The following SUSD6 variants were observed in gnomAD, a reference collection of about 807,000 sequenced individuals.
SUSD6 encodes the protein sushi domain containing 6.
In SUSD6, 16 loss-of-function variants were observed where a neutral mutation model predicts 28.4. The ratio of observed to expected loss-of-function variants is 0.56; its 90% confidence interval spans 0.38 to 0.86. The LOEUF (loss-of-function observed/expected upper bound fraction) is 0.86, where lower values mean the gene tolerates loss of function less well. SUSD6 is among the 40% of genes least tolerant of loss of function. The pLI, the probability that SUSD6 is intolerant of heterozygous loss-of-function variation, is 0.00. For missense variants in SUSD6, 341 were observed against 384.2 expected (o/e 0.89, Z 0.94); for synonymous variants, 147 against 159.6 (o/e 0.92, Z 0.59).
chr14:69,706,541 C>A (rs6573902), intron 4 of SUSD6, among the ~76,000 whole-genome samples: 107,662 of 151,998 alleles, frequency 0.71, 40,088 homozygotes, highest in South Asian at 0.83. Context: ...CCTACTGCAG[C>A]CATGACTTCC....
Position 69,703,314 on chromosome 14 carries a change from G to A in SUSD6, c.122-81G>A, listed in dbSNP as rs537892947. 13 of 1,070,004 alleles carry A rather than the reference G, an allele frequency of 1.2e-5. No homozygotes were observed. The South Asian group carries it at 1.4e-4, about 12-fold the overall frequency. The allele number at this position is 1,070,004 out of a possible 1,614,324, so 66.3% of individuals were successfully genotyped here. ...TCCTCCTCCTGTGTTTCCTGTAGAG[G>A]CCTTCAGAGCTGCGTCACTGAGAGC... is the stretch of plus-strand genomic sequence containing the variant. On this transcript the variant is annotated intron_variant, in intron 2 of 5. Coordinates refer to ENST00000342745, the MANE Select transcript of SUSD6 (RefSeq NM_014734.4).
chr14:69,699,444 T>A (rs1886280670), intron 2 of SUSD6, among the ~76,000 whole-genome samples: 1 of 152,016 alleles, frequency 6.6e-6, no homozygotes, highest in Admixed American at 6.6e-5. Context: ...CCTCAAGTGA[T>A]CCGCCCACCT....
intron 1 of SUSD6, among the ~76,000 whole-genome samples, chr14:69,633,394 G>A (rs1885221849): frequency 6.6e-6 from 1 of 152,120 alleles, no homozygotes; most frequent in African/African-American, 2.4e-5. Flanking sequence ...CCTGATCCTT[G>A]GCCTCTCTTC....
chr14:69,639,572 G>C (rs1167537873), intron 1 of SUSD6, among the ~76,000 whole-genome samples: 1 of 152,092 alleles, frequency 6.6e-6, no homozygotes, highest in Non-Finnish European at 1.5e-5. Context: ...AGTTGGTCTG[G>C]GGACATGCTG....
intron 1 of SUSD6, among the ~76,000 whole-genome samples, chr14:69,654,431 G>A (rs1885548332): frequency 6.6e-6 from 1 of 152,182 alleles, no homozygotes; most frequent in Admixed American, 6.5e-5. Flanking sequence ...GGGTAAGAAG[G>A]GGTCATTTCT....
At chr14:69,642,681 G>A (rs370262144) in intron 1 of SUSD6, among the ~76,000 whole-genome samples, 19 of 141,480 alleles carry the variant, frequency 1.3e-4, no homozygotes, top group African/African-American at 4.3e-4. Context: ...CCCACAACAC[G>A]AGAGAATTCT....
In SUSD6 at chr14:69,709,040, T is replaced by C. The variant is rs758777227; in HGVS notation, c.822T>C (p.Thr274=). Reference sequence around the variant, plus strand: ...ACCGCCAACTGGCACACAAAGAAACTGCAGATTCAGAGAACAGTGACATAC... The same window carrying C: ...ACCGCCAACTGGCACACAAAGAAACCGCAGATTCAGAGAACAGTGACATAC... ...SGNRQLAHKE[T]ADSENSDIQS... is the part of the protein sequence containing the mutation. The change falls in exon 5 of 6, where the codon ACT becomes ACC. Residue 274 remains threonine (T), a synonymous_variant. Transcript: ENST00000342745. The C allele has an allele frequency of 1.2e-6, 2 of 1,613,836 alleles. No individual in the cohort carries two copies.
At chr14:69,639,313 CAAAAAAAAAAA>C (rs57837741) in intron 1 of SUSD6, among the ~76,000 whole-genome samples, 3 of 54,604 alleles carry the variant, frequency 5.5e-5, no homozygotes, top group African/African-American at 2.5e-4. Context: ...GACTCCGTCT[CAAAAAAAAAAA>C]AAAAAAAAAA....
chr14:69,677,625 G>C (rs1885932641), intron 2 of SUSD6, among the ~76,000 whole-genome samples: 1 of 151,754 alleles, frequency 6.6e-6, no homozygotes, highest in African/African-American at 2.4e-5. Flanking sequence ...TTGCAGAGGG[G>C]AGTGGGTGGG....
chr14:69,621,294 G>A (rs1885036995), intron 1 of SUSD6, among the ~76,000 whole-genome samples: 1 of 152,174 alleles, frequency 6.6e-6, no homozygotes, highest in African/African-American at 2.4e-5. Flanking sequence ...TGGTATTATT[G>A]ATGAAATTCT....
chr14:69,617,984 A>G (rs1884983731), intron 1 of SUSD6, among the ~76,000 whole-genome samples: 1 of 152,222 alleles, frequency 6.6e-6, no homozygotes, highest in African/African-American at 2.4e-5. Context: ...AGATCATGCC[A>G]GACACAAAAA....
rs1886522824 is a variant in SUSD6 at position 69,714,783 on chromosome 14, G to A, written c.*3804G>A. 1 of 152,214 alleles carries A rather than the reference G, an allele frequency of 6.6e-6. No individual in the cohort carries two copies. Among genetic ancestry groups the A allele is most frequent in the Non-Finnish European group, 1.5e-5 (1 of 68,068 alleles). 9.4% of individuals were successfully genotyped at this position (152,214 alleles called of 1,614,324 possible). A position where few individuals can be genotyped will look rare whatever the true frequency, so the allele number is the denominator to read the frequency against. On this transcript the variant is annotated 3_prime_UTR_variant, in exon 6 of 6. Coordinates refer to ENST00000342745, the MANE Select transcript of SUSD6 (RefSeq NM_014734.4). ...GCCAAGCAGCAGAGCTAGTAGAAGGGGATGCAGGGGCAAAGCACTCAGTTG... is the reference window on the plus strand; with the variant it reads ...GCCAAGCAGCAGAGCTAGTAGAAGGAGATGCAGGGGCAAAGCACTCAGTTG...
chr14:69,650,805 G>A (rs1885493276), intron 1 of SUSD6, among the ~76,000 whole-genome samples: 2 of 152,106 alleles, frequency 1.3e-5, no homozygotes, highest in African/African-American at 4.8e-5. Context: ...AAGCATTTTA[G>A]GAACACTGTG....
rs908604695 is a variant in SUSD6, at chr14:69,647,941, C to T, written c.-80-10572C>T. ...CAGAGGTTGCCGTGAGCCGAGATTG[C>T]GCCACTGCACCCCAGCCTGAGCGAC... is the stretch of plus-strand genomic sequence containing the variant. On this transcript the variant is annotated intron_variant, in intron 1 of 5. Coordinates refer to ENST00000342745, the MANE Select transcript of SUSD6 (RefSeq NM_014734.4). 9.2e-5 allele frequency among the ~76,000 whole-genome samples: 14 copies of T among 151,920 alleles called. 1 individual carries two copies. The highest frequency in any genetic ancestry group is 1.3e-4 in the Admixed American group (2 of 15,248).
chr14:69,627,281 G>A (rs1885128219), intron 1 of SUSD6, among the ~76,000 whole-genome samples: 1 of 152,168 alleles, frequency 6.6e-6, no homozygotes, highest in South Asian at 2.1e-4. Context: ...TTTAGAAAAG[G>A]ATGAAGCTCT....
At chr14:69,651,082 G>A (rs866960759) in intron 1 of SUSD6, among the ~76,000 whole-genome samples, 2 of 152,164 alleles carry the variant, frequency 1.3e-5, no homozygotes, top group Non-Finnish European at 1.5e-5. Context: ...TCTTACAGCT[G>A]AAAGGTCCTT....
chr14:69,644,911 A>G (rs113544083), intron 1 of SUSD6, among the ~76,000 whole-genome samples: 14 of 152,310 alleles, frequency 9.2e-5, no homozygotes, highest in African/African-American at 3.4e-4. Flanking sequence ...GGGACTTTGT[A>G]CAATTAGAAG....
At chr14:69,641,097 A>G (rs1885344985) in intron 1 of SUSD6, among the ~76,000 whole-genome samples, 1 of 152,220 alleles carries the variant, frequency 6.6e-6, no homozygotes, top group South Asian at 2.1e-4. Context: ...CCTGGCTTGC[A>G]TTATTCCTGA....
At chr14:69,682,110 C>A (rs1332262968) in intron 2 of SUSD6, among the ~76,000 whole-genome samples, 1 of 151,994 alleles carries the variant, frequency 6.6e-6, no homozygotes, top group African/African-American at 2.4e-5. Context: ...GGTGGGAAGA[C>A]CACTTGAGGC....
Sources: gnomAD v4.1 joint callset for allele counts (sites outside exome capture counted in the v4.1 genomes callset) on GRCh38, gnomAD v4.1.1 for gene constraint, MANE v1.5 for transcripts, NCBI Gene and HGNC (gene_info 2026-07-23, HGNC 2026-07-21) for gene names.